NUSAP1: variants seen among roughly 807,000 people sequenced by gnomAD.
NUSAP1 encodes the protein nucleolar and spindle associated protein 1.
Under a neutral mutation model 52.8 loss-of-function variants are expected in NUSAP1, and 32 were observed. The observed-to-expected ratio is 0.61, with a 90% CI of 0.46 to 0.81. The LOEUF is 0.81. Ranked by LOEUF, NUSAP1 falls within the 40% of genes least tolerant of loss-of-function variation. NUSAP1 has a pLI of 0.00. For missense variants in NUSAP1, 499 were observed against 522.3 expected (o/e 0.96, Z 0.43); for synonymous variants, 195 against 183.1 (o/e 1.06, Z -0.52).
intron 1 of NUSAP1, among the ~76,000 whole-genome samples, chr15:41,336,554 T>A (rs1327129336): frequency 6.6e-6 from 1 of 151,796 alleles, no homozygotes; most frequent in African/African-American, 2.4e-5. Context: ...TGCAGCTAAC[T>A]CTAGTTGGAG....
At position 41,334,755 on chromosome 15, in the gene NUSAP1, C is replaced by T. The variant is rs577630769; in HGVS notation, c.93+1705C>T. ...TAGAGATAGGGTTTCACCATCTTGC[C>T]CAGGCTGGTCTTGAACTCCTGGGCT... On this transcript the variant is annotated intron_variant, in intron 1 of 10. Coordinates refer to ENST00000559596, the MANE Select transcript of NUSAP1 (RefSeq NM_016359.5). Among the ~76,000 whole-genome samples the T allele has an allele frequency of 1.5e-4, 23 of 151,674 alleles. No individual in the cohort carries two copies. The East Asian group carries it at 4.5e-3, about 30-fold the overall frequency.
At chr15:41,367,397 C>T (rs550458436) in intron 7 of NUSAP1, among the ~76,000 whole-genome samples, 4 of 152,162 alleles carry the variant, frequency 2.6e-5, no homozygotes, top group Non-Finnish European at 5.9e-5. Flanking sequence ...AGGCTCCAAG[C>T]AACTGGGGTC....
intron 1 of NUSAP1, among the ~76,000 whole-genome samples, chr15:41,336,651 T>TTTTTGTTTTTTTTTTTTGTTTG (rs1567036495): frequency 1.8e-5 from 2 of 112,694 alleles, no homozygotes; most frequent in African/African-American, 3.2e-5. Context: ...CCTTTTGGTT[T>TTTTTGTTTTTTTTTTTTGTTTG]TTTTTTTTTT....
chr15:41,377,655 C>T (rs1402774486), intron 10 of NUSAP1, among the ~76,000 whole-genome samples: 2 of 146,222 alleles, frequency 1.4e-5, no homozygotes, highest in African/African-American at 2.6e-5. Flanking sequence ...GCCGAGATCG[C>T]GCCACTGCAC....
chr15:41,361,933 G>T (rs533401212), intron 6 of NUSAP1, among the ~76,000 whole-genome samples: 33 of 152,236 alleles, frequency 2.2e-4, no homozygotes, highest in Non-Finnish European at 4.1e-4. Context: ...CATTTAGATG[G>T]TGATGGACAG....
chr15:41,370,360 C>T (rs753050945), intron 7 of NUSAP1, among the ~76,000 whole-genome samples: 4 of 151,956 alleles, frequency 2.6e-5, no homozygotes, highest in Admixed American at 6.6e-5. Context: ...CCAGCCTGGG[C>T]GACATAGCGA....
chr15:41,371,778 G>A (rs1051070929), intron 8 of NUSAP1, 94 bp downstream of exon 8: 5 of 1,408,744 alleles, frequency 3.5e-6, no homozygotes, highest in Non-Finnish European at 4.7e-6. Context: ...TTGTTTGTTT[G>A]TTTTTTTCTG....
intron 6 of NUSAP1, among the ~76,000 whole-genome samples, chr15:41,361,565 AAAAG>A (rs1355554148): frequency 1.8e-4 from 27 of 152,194 alleles, no homozygotes; most frequent in African/African-American, 6.3e-4. Context: ...TAAAGAAAAA[AAAAG>A]AGTCAAGCTG....
intron 4 of NUSAP1, among the ~76,000 whole-genome samples, chr15:41,354,362 G>A (rs1201257932): frequency 2.6e-5 from 4 of 151,992 alleles, no homozygotes; most frequent in African/African-American, 4.8e-5. Flanking sequence ...AAAATTAGCC[G>A]GGTGTGGTAG....
intron 2 of NUSAP1, among the ~76,000 whole-genome samples, chr15:41,346,665 A>G (rs576327620): frequency 6.6e-6 from 1 of 151,136 alleles, no homozygotes; most frequent in East Asian, 2.0e-4. Flanking sequence ...CATCTTTACT[A>G]AAAATACAAA....
chr15:41,344,032 A>G (rs2048464741), intron 2 of NUSAP1: 1 of 150,100 alleles, frequency 6.7e-6, no homozygotes, highest in Non-Finnish European at 1.5e-5. Flanking sequence ...AGCCTGGCCA[A>G]CATGGTGAAA....
rs141486223 is a variant in NUSAP1, at chr15:41,381,045, C to G, written c.*859C>G. 1 of 152,264 alleles carries G rather than the reference C, an allele frequency of 6.6e-6. No homozygotes were observed. The highest frequency in any genetic ancestry group is 1.5e-5 in the Non-Finnish European group (1 of 68,026). The allele number at this position is 152,264 out of a possible 1,614,324, so 9.4% of individuals were successfully genotyped here. A position where few individuals can be genotyped will look rare whatever the true frequency, so the allele number is the denominator to read the frequency against. The stretch of plus-strand genomic sequence containing the variant: ...CATAAATAAAATTTTTTCTCATTGT[C>G]ATAGATTCATTCTTTGTAAACATAA... On this transcript the variant is annotated 3_prime_UTR_variant, in exon 11 of 11. Transcript: ENST00000559596.
At chr15:41,371,019 C>T (rs1320832930) in intron 7 of NUSAP1, among the ~76,000 whole-genome samples, 1 of 152,194 alleles carries the variant, frequency 6.6e-6, no homozygotes, top group Non-Finnish European at 1.5e-5. Flanking sequence ...TACTATCAGT[C>T]AATCAATCAA....
At chr15:41,341,920 A>G (rs1460818885) in intron 1 of NUSAP1, among the ~76,000 whole-genome samples, 1 of 152,218 alleles carries the variant, frequency 6.6e-6, no homozygotes, top group Non-Finnish European at 1.5e-5. Flanking sequence ...TCCTACAAAC[A>G]GGTCCATGTT....
At chr15:41,344,624 C>T (rs938421667) in intron 2 of NUSAP1, among the ~76,000 whole-genome samples, 4 of 150,322 alleles carry the variant, frequency 2.7e-5, no homozygotes, top group African/African-American at 9.8e-5. Flanking sequence ...GGCGACAAAG[C>T]GAGACTCCGT....
chr15:41,375,553 C>T (rs757019725), intron 8 of NUSAP1, among the ~76,000 whole-genome samples, 159 bp from the exon 9 acceptor site: 6 of 152,050 alleles, frequency 3.9e-5, no homozygotes, highest in Non-Finnish European at 7.4e-5. Flanking sequence ...CCTCGTGATC[C>T]GCCCACCTCG....
At chr15:41,362,273 T>A (rs1488447288) in intron 6 of NUSAP1, among the ~76,000 whole-genome samples, 1 of 151,672 alleles carries the variant, frequency 6.6e-6, no homozygotes, top group African/African-American at 2.4e-5. Flanking sequence ...GGAAAACTTG[T>A]ATTCCAAGGT....
chr15:41,342,473 G>A lies in NUSAP1; in HGVS notation c.162+19G>A. ...GAATCAGGTGAGTAATGTTTTTCATGTTTACCTGTTAGCTAGCAAAATAAT... is the reference window on the plus strand; with the variant it reads ...GAATCAGGTGAGTAATGTTTTTCATATTTACCTGTTAGCTAGCAAAATAAT... On this transcript the variant is annotated intron_variant, in intron 2 of 10. Coordinates refer to ENST00000559596, the MANE Select transcript of NUSAP1 (RefSeq NM_016359.5). 6.6e-7 allele frequency: 1 copy of A among 1,524,320 alleles called. No homozygotes were observed. The highest frequency in any genetic ancestry group is 8.9e-7 in the Non-Finnish European group (1 of 1,119,808). 94.4% of individuals were successfully genotyped at this position (1,524,320 alleles called of 1,614,324 possible).
In NUSAP1 at chr15:41,380,184, T is replaced by G; in HGVS notation, c.1324T>G (p.Ter442GluextTer1). Residue 442 changes from the stop codon to glutamate (E), a stop_lost, in exon 11 of 11, where the codon TAA (stop) becomes GAA (glutamate). Coordinates refer to ENST00000559596, the MANE Select transcript of NUSAP1 (RefSeq NM_016359.5). ...AAGGGGCCTCATTTTGGCTGAAGATTAATAATTTTTTAACATCTTGTAAAT... is the reference window on the plus strand; with the variant it reads ...AAGGGGCCTCATTTTGGCTGAAGATGAATAATTTTTTAACATCTTGTAAAT... ...MRRGLILAED[*>E] 2 of 1,560,646 alleles carry G rather than the reference T, an allele frequency of 1.3e-6. No homozygotes were observed. Among genetic ancestry groups the G allele is most frequent in the Admixed American group, 1.9e-5 (1 of 51,624 alleles).
Sources: allele counts gnomAD v4.1 joint callset (sites outside exome capture counted in the v4.1 genomes callset), GRCh38; gene constraint gnomAD v4.1.1; transcripts MANE v1.5; gene names NCBI Gene and HGNC (gene_info 2026-07-23, HGNC 2026-07-21).